The following ADAMTSL3 variants were observed in gnomAD, a reference collection of about 807,000 sequenced individuals.
ADAMTSL3 encodes the protein ADAMTS like 3.
ADAMTSL3 carries 128 observed loss-of-function variants against 201.7 expected under a neutral mutation model. That is an observed-to-expected ratio of 0.63 (90% confidence interval 0.55 to 0.73). The LOEUF (loss-of-function observed/expected upper bound fraction) is 0.73. Among genes scored for constraint, ADAMTSL3 ranks in the 30% least tolerant of loss-of-function variants. The pLI is 0.00. For synonymous variants in ADAMTSL3, 738 were observed against 748.4 expected (o/e 0.99, Z 0.23); for missense variants, 1,990 against 2,119.6 (o/e 0.94, Z 1.20).
intron 19 of ADAMTSL3, 103 bp downstream of exon 19, chr15:83,943,185 G>A: frequency 7.4e-7 from 1 of 1,352,074 alleles, no homozygotes; most frequent in East Asian, 2.5e-5. Flanking sequence ...TGTGAGATGA[G>A]TATGGGTCCT....
At chr15:83,878,823 A>G (rs1333589008) in intron 9 of ADAMTSL3, among the ~76,000 whole-genome samples, 2 of 152,086 alleles carry the variant, frequency 1.3e-5, no homozygotes, top group African/African-American at 4.8e-5. Context: ...TTCTGCTTTT[A>G]TAAAACAAGT....
At chr15:83,896,447 A>T (rs1259965803) in intron 13 of ADAMTSL3, among the ~76,000 whole-genome samples, 1 of 152,220 alleles carries the variant, frequency 6.6e-6, no homozygotes. Flanking sequence ...TAGAAAGCTG[A>T]CAACAACCAC....
intron 3 of ADAMTSL3, among the ~76,000 whole-genome samples, chr15:83,734,846 TGCTAGTGGGGAGG>T (rs945034232): frequency 1.3e-5 from 2 of 152,038 alleles, no homozygotes; most frequent in African/African-American, 2.4e-5. Context: ...GATTCTCCTC[TGCTAGTGGGGAGG>T]GCTAGTGGGG....
Position 83,677,628 on chromosome 15 carries a change from G to T in ADAMTSL3, c.69+21798G>T, listed in dbSNP as rs549124269. Among the ~76,000 whole-genome samples the T allele has an allele frequency of 5.3e-5, 8 of 151,710 alleles. No homozygotes were observed. In the East Asian group the frequency reaches 1.4e-3, roughly 26 times the overall value. Reference sequence around the variant, plus strand: ...TTAGCATAGTATATGTGTTTTCATCGTTTACTTTGAACCTGCCTACATTAT... The same window carrying T: ...TTAGCATAGTATATGTGTTTTCATCTTTTACTTTGAACCTGCCTACATTAT... On this transcript the variant is annotated intron_variant, in intron 2 of 29. Coordinates refer to ENST00000286744, the MANE Select transcript of ADAMTSL3 (RefSeq NM_207517.3).
intron 4 of ADAMTSL3, among the ~76,000 whole-genome samples, chr15:83,792,891 G>A (rs548267882): frequency 6.6e-6 from 1 of 152,214 alleles, no homozygotes; most frequent in African/African-American, 2.4e-5. Context: ...GCACTTCCAT[G>A]TTTGTTGCAG....
intron 2 of ADAMTSL3, among the ~76,000 whole-genome samples, chr15:83,675,150 T>C (rs1259238349): frequency 2.6e-5 from 4 of 151,968 alleles, no homozygotes; most frequent in Non-Finnish European, 4.4e-5. Context: ...CTTTTTTAGA[T>C]TTCTTGGGAT....
chr15:83,816,604 A>G (rs939741132), intron 5 of ADAMTSL3, among the ~76,000 whole-genome samples: 3 of 152,186 alleles, frequency 2.0e-5, no homozygotes, highest in Non-Finnish European at 4.4e-5. Context: ...TCAAAGAGTG[A>G]GATATAGAGA....
At chr15:84,024,590 C>G (rs2068268056) in intron 26 of ADAMTSL3, among the ~76,000 whole-genome samples, 1 of 152,194 alleles carries the variant, frequency 6.6e-6, no homozygotes, top group South Asian at 2.1e-4. Flanking sequence ...TTAGAAACCC[C>G]TGCTCTGCAG....
chr15:83,669,227 C>T (rs2061290232), intron 2 of ADAMTSL3, among the ~76,000 whole-genome samples: 1 of 152,030 alleles, frequency 6.6e-6, no homozygotes, highest in African/African-American at 2.4e-5. Flanking sequence ...CTCACTGCAA[C>T]CTCCGCCTCC....
At chr15:83,965,189 A>C (rs1422787054) in intron 19 of ADAMTSL3, among the ~76,000 whole-genome samples, 3 of 152,224 alleles carry the variant, frequency 2.0e-5, no homozygotes, top group Non-Finnish European at 4.4e-5. Flanking sequence ...CATTAAATGT[A>C]AATGGGCTAA....
chr15:83,940,283 A>G (rs1454858679), intron 17 of ADAMTSL3, among the ~76,000 whole-genome samples: 1 of 152,196 alleles, frequency 6.6e-6, no homozygotes, highest in African/African-American at 2.4e-5. Flanking sequence ...TGGTCAGAAA[A>G]TATACTGAAT....
At chr15:83,768,948 T>A (rs1487923152) in intron 3 of ADAMTSL3, among the ~76,000 whole-genome samples, 1 of 152,186 alleles carries the variant, frequency 6.6e-6, no homozygotes, top group African/African-American at 2.4e-5. Flanking sequence ...TCTTCCTGGC[T>A]GAGGAGAGGA....
At chr15:83,685,997 A>G (rs1056244162) in intron 2 of ADAMTSL3, among the ~76,000 whole-genome samples, 4 of 91,132 alleles carry the variant, frequency 4.4e-5, no homozygotes, top group African/African-American at 2.1e-4. Flanking sequence ...GCTGGCAGCT[A>G]GCTCGTCCTC....
At chr15:83,809,320 CAG>C (rs2063655422) in intron 5 of ADAMTSL3, among the ~76,000 whole-genome samples, 1 of 152,024 alleles carries the variant, frequency 6.6e-6, no homozygotes, top group Non-Finnish European at 1.5e-5. Context: ...CTGGCAGAAA[CAG>C]AAATAGGGGG....
intron 25 of ADAMTSL3, among the ~76,000 whole-genome samples, chr15:84,018,368 T>C (rs935215987): frequency 2.0e-5 from 3 of 152,216 alleles, no homozygotes; most frequent in Non-Finnish European, 4.4e-5. Context: ...TACCCTGTCC[T>C]AGTGTTGGAC....
intron 2 of ADAMTSL3, among the ~76,000 whole-genome samples, chr15:83,690,791 A>G (rs2061599867): frequency 6.6e-6 from 1 of 152,196 alleles, no homozygotes; most frequent in Non-Finnish European, 1.5e-5. Flanking sequence ...GGCTTACATT[A>G]AAACCTTGCC....
intron 16 of ADAMTSL3, among the ~76,000 whole-genome samples, chr15:83,917,493 G>A (rs1197073087): frequency 6.6e-6 from 1 of 152,138 alleles, no homozygotes; most frequent in Non-Finnish European, 1.5e-5. Context: ...AGCAGTATCT[G>A]TGTGTGTAGA....
At chr15:83,755,429 C>A (rs567741796) in intron 3 of ADAMTSL3, among the ~76,000 whole-genome samples, 191 of 152,082 alleles carry the variant, frequency 1.3e-3, no homozygotes, top group African/African-American at 4.5e-3. Context: ...ATTCTCTCCT[C>A]CCCCAGTCCC....
intron 10 of ADAMTSL3, among the ~76,000 whole-genome samples, chr15:83,889,461 G>T (rs2065461654): frequency 6.6e-6 from 1 of 152,148 alleles, no homozygotes; most frequent in African/African-American, 2.4e-5. Context: ...AGTGAAAAAA[G>T]TGGAAAACGG....
Sources: gnomAD v4.1 joint callset for allele counts (sites outside exome capture counted in the v4.1 genomes callset) on GRCh38, gnomAD v4.1.1 for gene constraint, MANE v1.5 for transcripts, NCBI Gene and HGNC (gene_info 2026-07-23, HGNC 2026-07-21) for gene names.